ERC1: variants seen among roughly 807,000 people sequenced by gnomAD.
The protein encoded by ERC1 is RAB6 interacting protein 2.
A neutral mutation model predicts 132.0 loss-of-function variants in ERC1; 56 were observed. That is an observed-to-expected ratio of 0.42 (90% confidence interval 0.34 to 0.53). The LOEUF is 0.53. ERC1 is among the 20% of genes least tolerant of loss of function. The pLI, the probability that ERC1 is intolerant of heterozygous loss-of-function variation, is 0.03. For synonymous variants in ERC1, 478 were observed against 476.1 expected, an observed-to-expected ratio of 1.00 and a Z score of -0.05; for missense variants, 1,202 against 1,349.9, an observed-to-expected ratio of 0.89 and a Z score of 1.72.
intron 17 of ERC1, among the ~76,000 whole-genome samples, chr12:1,436,880 G>A (rs2092964718): frequency 6.6e-6 from 1 of 151,954 alleles, no homozygotes; most frequent in African/African-American, 2.4e-5. Flanking sequence ...TTTGCCTCAT[G>A]TTTCTTCCAC....
chr12:1,464,652 C>G (rs556777603), intron 18 of ERC1, among the ~76,000 whole-genome samples: 1 of 150,938 alleles, frequency 6.6e-6, no homozygotes, highest in Non-Finnish European at 1.5e-5. Flanking sequence ...TCCCGAGTAG[C>G]TGGGACTACA....
chr12:1,191,540 C>T (rs1488386279), intron 12 of ERC1, among the ~76,000 whole-genome samples: 1 of 152,106 alleles, frequency 6.6e-6, no homozygotes, highest in Non-Finnish European at 1.5e-5. Flanking sequence ...TTATTGCTTG[C>T]TATTTCAGGC....
intron 15 of ERC1, among the ~76,000 whole-genome samples, chr12:1,362,474 C>A (rs938791614): frequency 6.6e-6 from 1 of 151,968 alleles, no homozygotes; most frequent in African/African-American, 2.4e-5. Flanking sequence ...CTCTCTGTCT[C>A]TCTCTCTCTC....
intron 1 of ERC1, among the ~76,000 whole-genome samples, chr12:1,004,659 C>T (rs1165289167): frequency 6.6e-6 from 1 of 151,602 alleles, no homozygotes; most frequent in African/African-American, 2.4e-5. Flanking sequence ...ACCGCCTTGG[C>T]CCCCCAAAGT....
intron 4 of ERC1, among the ~76,000 whole-genome samples, chr12:1,107,394 A>C (rs1945379330): frequency 6.6e-6 from 1 of 152,124 alleles, no homozygotes; most frequent in Non-Finnish European, 1.5e-5. Context: ...CTGGATCTGG[A>C]AAGAGTAAAA....
intron 7 of ERC1, among the ~76,000 whole-genome samples, chr12:1,122,223 ATCTC>A (rs1947478478): frequency 4.5e-5 from 2 of 43,982 alleles, no homozygotes; most frequent in African/African-American, 1.2e-4. Flanking sequence ...CTCTATCTCT[ATCTC>A]TATCTCTATC....
chr12:1,120,696 A>AAAGT (rs1341530224), intron 7 of ERC1, among the ~76,000 whole-genome samples: 3 of 152,250 alleles, frequency 2.0e-5, no homozygotes, highest in Non-Finnish European at 4.4e-5. Flanking sequence ...TTACTGCTTC[A>AAAGT]AAGTAGTACA....
intron 4 of ERC1, among the ~76,000 whole-genome samples, chr12:1,105,388 C>T (rs1945135852): frequency 2.0e-5 from 3 of 152,068 alleles, no homozygotes; most frequent in South Asian, 4.2e-4. Flanking sequence ...GATGGAGTCT[C>T]GCTCTGTCGC....
In ERC1 at chr12:1,401,396, G is replaced by A. The variant is rs115795939; in HGVS notation, c.2926-6753G>A. Reference sequence around the variant, plus strand: ...GAGGATAAAGGAAGCAGGTAGAGCAGTAGAATCGTTTCTGAAGGAGGACAT... The same window carrying A: ...GAGGATAAAGGAAGCAGGTAGAGCAATAGAATCGTTTCTGAAGGAGGACAT... On this transcript the variant is annotated intron_variant, in intron 16 of 18. Transcript: ENST00000360905. Among the ~76,000 whole-genome samples, 920 of 152,282 alleles carry A rather than the reference G, an allele frequency of 6.0e-3. 3 individuals are homozygous for A. Among genetic ancestry groups the A allele is most frequent in the African/African-American group, 0.021 (855 of 41,554 alleles).
At position 1,181,883 on chromosome 12, in the gene ERC1, CA is replaced by C. The variant is rs778333586; in HGVS notation, c.1876-38del. ...AAGCAGAATTACAGTCATATAAGTG[CA>C]AAAGGGAATTTCTTCACATGTTGAT... On this transcript the variant is annotated intron_variant, in intron 9 of 18. Coordinates refer to ENST00000360905, the MANE Select transcript of ERC1 (RefSeq NM_178040.4). 22 of 1,577,110 alleles carry C rather than the reference CA, an allele frequency of 1.4e-5. No individual in the cohort carries two copies. In the South Asian group the frequency reaches 2.5e-4, roughly 18 times the overall value.
intron 16 of ERC1, among the ~76,000 whole-genome samples, chr12:1,373,467 A>G (rs556576249): frequency 4.6e-5 from 7 of 152,222 alleles, no homozygotes; most frequent in South Asian, 2.1e-4. Flanking sequence ...TCCAAAGAAC[A>G]TATGTTTTCA....
intron 18 of ERC1, among the ~76,000 whole-genome samples, chr12:1,455,942 C>G (rs1350087437): frequency 2.0e-5 from 3 of 152,130 alleles, no homozygotes; most frequent in Admixed American, 1.3e-4. Context: ...AGTTCGATAT[C>G]CACAGGTGCA....
intron 1 of ERC1, among the ~76,000 whole-genome samples, chr12:992,394 C>T (rs1959722663): frequency 6.6e-6 from 1 of 152,126 alleles, no homozygotes; most frequent in Admixed American, 6.6e-5. Context: ...AAAGTACAAC[C>T]GTCTTTTATA....
At chr12:1,081,167 T>C (rs1030561735) in intron 2 of ERC1, among the ~76,000 whole-genome samples, 3 of 152,222 alleles carry the variant, frequency 2.0e-5, no homozygotes, top group African/African-American at 7.2e-5. Context: ...TCTTCATTCC[T>C]AAAAATAAGA....
intron 8 of ERC1, among the ~76,000 whole-genome samples, chr12:1,148,335 A>AG (rs1273150578): frequency 6.6e-6 from 1 of 152,140 alleles, no homozygotes; most frequent in Non-Finnish European, 1.5e-5. Context: ...CAGAAGGTGA[A>AG]GGGGAAGCAA....
At chr12:1,111,369 G>A (rs1353906731) in intron 5 of ERC1, among the ~76,000 whole-genome samples, 1 of 152,122 alleles carries the variant, frequency 6.6e-6, no homozygotes, top group Non-Finnish European at 1.5e-5. Flanking sequence ...GAAAATAAGT[G>A]TTTTCCCCCT....
chr12:1,378,332 G>A (rs1392394886), intron 16 of ERC1, among the ~76,000 whole-genome samples: 3 of 152,158 alleles, frequency 2.0e-5, no homozygotes, highest in African/African-American at 4.8e-5. Context: ...ACTGATTGTC[G>A]GCTCTCTGCA....
rs188629609 is a variant in ERC1, at chr12:1,494,386, G to A, written c.*4156G>A. The A allele has an allele frequency of 3.3e-4, 77 of 231,922 alleles. No homozygotes were observed. In the East Asian group the frequency reaches 3.9e-3, roughly 12 times the overall value. 14.4% of individuals were successfully genotyped at this position (231,922 alleles called of 1,614,324 possible). A position where few individuals can be genotyped will look rare whatever the true frequency, so the allele number is the denominator to read the frequency against. ...CCCCATGCAAATTAGGGAAGAATTA[G>A]GCAAGAAAAGACATACATTACAGGG... On this transcript the variant is annotated 3_prime_UTR_variant, in exon 19 of 19. Coordinates refer to ENST00000360905, the MANE Select transcript of ERC1 (RefSeq NM_178040.4).
chr12:1,457,610 C>G (rs2093565497), intron 18 of ERC1, among the ~76,000 whole-genome samples: 1 of 152,078 alleles, frequency 6.6e-6, no homozygotes, highest in African/African-American at 2.4e-5. Flanking sequence ...TATTAGTTGT[C>G]TCAACCATTT....
Sources: gnomAD v4.1 joint callset for allele counts (sites outside exome capture counted in the v4.1 genomes callset) on GRCh38, gnomAD v4.1.1 for gene constraint, MANE v1.5 for transcripts, NCBI Gene and HGNC (gene_info 2026-07-23, HGNC 2026-07-21) for gene names.